Variants in ETV7 observed in about 807,000 individuals in gnomAD.
ETV7 encodes ETS variant transcription factor 7, also known as transcription factor ETV7.
A neutral mutation model predicts 39.1 loss-of-function variants in ETV7; 43 were observed. That is an observed-to-expected ratio of 1.10 (90% CI 0.86 to 1.42). ETV7 has a LOEUF of 1.42. Among genes scored for constraint, ETV7 ranks in the 40% most tolerant of loss-of-function variants. The pLI is 0.00. For synonymous variants in ETV7, 196 were observed against 176.6 expected (o/e 1.11, Z -0.87); for missense variants, 432 against 442.3 (o/e 0.98, Z 0.21).
chr6:36,357,664 G>A lies in ETV7; in HGVS notation c.909-2977C>T, dbSNP rs578161894. The stretch of plus-strand genomic sequence containing the variant: ...GGTCAAGGCAGGCAGATCACCTGAG[G>A]TCAGAAGTTCGAGACCAGCCTGGCC... On this transcript the variant is annotated intron_variant, in intron 7 of 7. Coordinates refer to the ETV7 transcript ENST00000339796. Among the ~76,000 whole-genome samples, 3 of 152,178 alleles carry A rather than the reference G, an allele frequency of 2.0e-5. No homozygotes were observed. In the South Asian group the frequency reaches 6.2e-4, roughly 32 times the overall value.
chr6:36,387,662 A>C lies in ETV7; in HGVS notation c.-121T>G. On this transcript the variant is annotated 5_prime_UTR_variant, in exon 1 of 8. Coordinates refer to ENST00000340181, the MANE Select transcript of ETV7 (RefSeq NM_016135.4). ...CCGCCAAACCCCTAACCTGGCTCCGAGAACTGGAAGGTCGCGTGGGAGGAA... is the reference window on the plus strand; with the variant it reads ...CCGCCAAACCCCTAACCTGGCTCCGCGAACTGGAAGGTCGCGTGGGAGGAA... 4 of 1,127,496 alleles carry C rather than the reference A, an allele frequency of 3.5e-6. No individual in the cohort carries two copies. The South Asian group carries it at 5.3e-5, about 15-fold the overall frequency. The allele number at this position is 1,127,496 out of a possible 1,614,324, so 69.8% of individuals were successfully genotyped here.
At chr6:36,356,335 A>C (rs866798696) in intron 7 of ETV7, among the ~76,000 whole-genome samples, 5 of 150,986 alleles carry the variant, frequency 3.3e-5, no homozygotes, top group South Asian at 2.1e-4. Flanking sequence ...AAAAAAAAAA[A>C]AAAACAAAAA....
chr6:36,376,825 G>A (rs1410924854), intron 2 of ETV7, among the ~76,000 whole-genome samples: 1 of 151,702 alleles, frequency 6.6e-6, no homozygotes, highest in African/African-American at 2.4e-5. Context: ...TCCCAAATGA[G>A]GCAGTGAGGC....
Position 36,375,938 on chromosome 6 carries a change from G to C in ETV7, c.240C>G (p.Phe80Leu). The change falls in exon 3 of 8, where the codon TTC (phenylalanine) becomes TTG (leucine). Residue 80 changes from phenylalanine to leucine, a missense_variant. Coordinates refer to ENST00000340181, the MANE Select transcript of ETV7 (RefSeq NM_016135.4). ...TGCAGAGGGCGCGTCCGTTCATCTCGAACCCGTGCTCCGCGGTGCATGGCA... is the reference window on the plus strand; with the variant it reads ...TGCAGAGGGCGCGTCCGTTCATCTCCAACCCGTGCTCCGCGGTGCATGGCA... ...YSLPCTAEHGFEMNGRALCIL... is the reference protein window; with the variant it reads ...YSLPCTAEHGLEMNGRALCIL... 2 of 1,613,876 alleles carry C rather than the reference G, an allele frequency of 1.2e-6. No individual in the cohort carries two copies. The highest frequency in any genetic ancestry group is 1.7e-6 in the Non-Finnish European group (2 of 1,180,030).
At chr6:36,375,068 CAAAA>C (rs34962714) in intron 3 of ETV7, among the ~76,000 whole-genome samples, 2 of 131,930 alleles carry the variant, frequency 1.5e-5, no homozygotes, top group African/African-American at 2.9e-5. Flanking sequence ...GACTCCATCT[CAAAA>C]AAAAAAAAAA....
chr6:36,363,557 C>A (rs898447364), downstream of ETV7, among the ~76,000 whole-genome samples: 1 of 152,232 alleles, frequency 6.6e-6, no homozygotes, highest in Non-Finnish European at 1.5e-5. Flanking sequence ...CTAATAAAAG[C>A]AGCGTGGACC....
chr6:36,373,641 T>TC, intron 3 of ETV7, 63 bp from the exon 4 acceptor site: 1 of 1,473,506 alleles, frequency 6.8e-7, no homozygotes, highest in Non-Finnish European at 9.0e-7. Flanking sequence ...GCCAGCCTCA[T>TC]CCCCCTGCAG....
chr6:36,367,510 G>T (rs1400035123), intron 6 of ETV7, among the ~76,000 whole-genome samples: 2 of 152,174 alleles, frequency 1.3e-5, no homozygotes, highest in East Asian at 1.9e-4. Flanking sequence ...TGATGGAAAG[G>T]TTCTCCTGCC....
intron 2 of ETV7, among the ~76,000 whole-genome samples, chr6:36,384,804 G>A (rs1464879014): frequency 2.0e-5 from 3 of 151,960 alleles, no homozygotes; most frequent in South Asian, 2.1e-4. Flanking sequence ...CAGGAGAATC[G>A]CTTGAACCAG....
At chr6:36,369,385 C>T (rs1370096397) in intron 5 of ETV7, among the ~76,000 whole-genome samples, 1 of 152,200 alleles carries the variant, frequency 6.6e-6, no homozygotes, top group Non-Finnish European at 1.5e-5. Flanking sequence ...CCGGCTCCAC[C>T]CAGCATCAGA....
chr6:36,373,698 G>A, intron 3 of ETV7, 120 bp from the exon 4 acceptor site: 1 of 1,187,676 alleles, frequency 8.4e-7, no homozygotes. Context: ...ACAGCTTCAT[G>A]CCGATGGCAA....
chr6:36,361,268 C>T (rs148634055), downstream of ETV7, among the ~76,000 whole-genome samples: 1,148 of 152,314 alleles, frequency 7.5e-3, 11 homozygotes, highest in South Asian at 0.034. Context: ...TGAGGGAGCT[C>T]GCCAGCAGCG....
chr6:36,376,377 A>G (rs138037643), intron 2 of ETV7, among the ~76,000 whole-genome samples: 1 of 152,222 alleles, frequency 6.6e-6, no homozygotes, highest in African/African-American at 2.4e-5. Context: ...GGCGTGCTGG[A>G]GCACACTGTT....
chr6:36,372,431 G>A (rs936400577), intron 4 of ETV7, among the ~76,000 whole-genome samples: 64 of 152,022 alleles, frequency 4.2e-4, no homozygotes, highest in African/African-American at 1.4e-3. Flanking sequence ...GACAAGTGAC[G>A]TGACCTGACT....
intron 2 of ETV7, among the ~76,000 whole-genome samples, 200 bp from the exon 3 acceptor site, chr6:36,376,235 T>C (rs1317474076): frequency 6.7e-6 from 1 of 149,120 alleles, no homozygotes; most frequent in East Asian, 1.9e-4. Context: ...AATTATGTGT[T>C]CGTGTTTGTC....
chr6:36,380,162 C>CACCT (rs1773582660), intron 2 of ETV7, among the ~76,000 whole-genome samples: 2 of 152,192 alleles, frequency 1.3e-5, no homozygotes, highest in Admixed American at 6.5e-5. Flanking sequence ...CAGGGTCCAA[C>CACCT]ACCTGGTGGG....
At chr6:36,377,181 C>T (rs1261665064) in intron 2 of ETV7, among the ~76,000 whole-genome samples, 26 of 152,176 alleles carry the variant, frequency 1.7e-4, no homozygotes. Flanking sequence ...TTAAAATACA[C>T]TGAGCGTGGT....
At position 36,355,871 on chromosome 6, in the gene ETV7, A is replaced by G. The variant is rs145078513; in HGVS notation, c.909-1184T>C. Among the ~76,000 whole-genome samples, 691 of 152,334 alleles carry G rather than the reference A, an allele frequency of 4.5e-3. 8 individuals are homozygous for G. Among genetic ancestry groups the G allele is most frequent in the African/African-American group, 0.016 (657 of 41,594 alleles). ...TAATATCCTGAGCTCCAAGGCAGTC[A>G]TTCCCTCTGATTCATCCCAGAACAA... On this transcript the variant is annotated intron_variant, in intron 7 of 7. Transcript: ENST00000339796.
intron 3 of ETV7, 138 bp downstream of exon 3, chr6:36,375,733 G>A (rs956952749): frequency 1.6e-4 from 207 of 1,328,842 alleles, no homozygotes; most frequent in Admixed American, 2.0e-4. Context: ...ATGCAGAGGG[G>A]CATCTGCAGT....
Sources: gnomAD v4.1 joint callset for allele counts (sites outside exome capture counted in the v4.1 genomes callset) on GRCh38, gnomAD v4.1.1 for gene constraint, MANE v1.5 for transcripts, NCBI Gene and HGNC (gene_info 2026-07-23, HGNC 2026-07-21) for gene names.